The following WDR76 variants were observed in gnomAD, a reference collection of about 807,000 sequenced individuals.
WDR76 encodes the protein WD repeat-containing protein 76.
Under a neutral mutation model 70.2 loss-of-function variants are expected in WDR76, and 52 were observed. That is an observed-to-expected ratio of 0.74 (90% CI 0.59 to 0.93). The LOEUF is 0.93. Ranked by LOEUF, WDR76 falls within the 40% of genes least tolerant of loss-of-function variation. The pLI, the probability that WDR76 is intolerant of heterozygous loss-of-function variation, is 0.00. For synonymous variants in WDR76, 292 were observed against 271.1 expected (o/e 1.08, Z -0.76); for missense variants, 756 against 760.2 (o/e 0.99, Z 0.07).
At chr15:43,842,728 G>A (rs531946507) in intron 7 of WDR76, 57 bp downstream of exon 7, 13 of 1,491,418 alleles carry the variant, frequency 8.7e-6, no homozygotes, top group Non-Finnish European at 1.1e-5. Context: ...GAGTTATAAA[G>A]ACTATACGCC....
intron 12 of WDR76, chr15:43,864,040 A>ATG (rs2088038822): frequency 6.6e-6 from 1 of 152,218 alleles, no homozygotes. Flanking sequence ...GAGTGAGGTC[A>ATG]TGTGGTATAT....
At chr15:43,852,756 A>G (rs1353211396) in intron 9 of WDR76, among the ~76,000 whole-genome samples, 8 of 152,142 alleles carry the variant, frequency 5.3e-5, no homozygotes, top group South Asian at 2.1e-4. Context: ...AATGTATTCA[A>G]AGTTCATCCA....
intron 2 of WDR76, among the ~76,000 whole-genome samples, chr15:43,833,277 G>C (rs28564774): frequency 0.16 from 23,710 of 151,304 alleles, 2,435 homozygotes; most frequent in African/African-American, 0.28. Flanking sequence ...TGATCCTCCT[G>C]CTTTGGTCTC....
At chr15:43,844,831 A>C (rs1567186712) in intron 8 of WDR76, among the ~76,000 whole-genome samples, 1 of 136,344 alleles carries the variant, frequency 7.3e-6, no homozygotes. Context: ...GGGAGGCTGA[A>C]GCAGGAGAAT....
At chr15:43,861,538 C>A in intron 12 of WDR76, 152 bp downstream of exon 12, 1 of 752,236 alleles carries the variant, frequency 1.3e-6, no homozygotes, top group Non-Finnish European at 2.2e-6. Context: ...AGTTCCTATC[C>A]AGAAGGGTTC....
chr15:43,861,115 C>CA (rs1457486503), intron 11 of WDR76, among the ~76,000 whole-genome samples: 4 of 151,878 alleles, frequency 2.6e-5, no homozygotes. Context: ...AGATGGGTCT[C>CA]ACTGTATTGC....
chr15:43,865,997 C>A, intron 12 of WDR76, 131 bp from the exon 13 acceptor site: 1 of 1,096,912 alleles, frequency 9.1e-7, no homozygotes, highest in Non-Finnish European at 1.3e-6. Flanking sequence ...TTGGTGGTAA[C>A]TCAGTAACTT....
At chr15:43,844,834 A>T (rs979909239) in intron 8 of WDR76, among the ~76,000 whole-genome samples, 1 of 133,412 alleles carries the variant, frequency 7.5e-6, no homozygotes, top group Admixed American at 8.2e-5. Context: ...AGGCTGAAGC[A>T]GGAGAATGGC....
At position 43,867,936 on chromosome 15, in the gene WDR76, G is replaced by C. The variant is rs1032690790; in HGVS notation, c.*1544G>C. On this transcript the variant is annotated 3_prime_UTR_variant, in exon 13 of 13. Transcript: ENST00000263795. The stretch of plus-strand genomic sequence containing the variant: ...TGTAAATGGCTTTGGCAATATGTTT[G>C]AATTCTAAGAGGAAATATTTTCCCA... 2 of 152,088 alleles carry C rather than the reference G, an allele frequency of 1.3e-5. No homozygotes were observed. The highest frequency in any genetic ancestry group is 2.4e-5 in the African/African-American group (1 of 41,414). 9.4% of individuals were successfully genotyped at this position (152,088 alleles called of 1,614,324 possible).
chr15:43,833,839 G>A (rs930242014), intron 2 of WDR76, among the ~76,000 whole-genome samples: 21 of 151,802 alleles, frequency 1.4e-4, no homozygotes, highest in Admixed American at 5.3e-4. Flanking sequence ...GTTTTGCCAT[G>A]CTGGCCAGGA....
At chr15:43,857,961 CTTTTTTTT>C (rs397854561) in intron 10 of WDR76, among the ~76,000 whole-genome samples, 8 of 95,536 alleles carry the variant, frequency 8.4e-5, no homozygotes, top group Non-Finnish European at 1.5e-4. Flanking sequence ...AGGGTTCTGT[CTTTTTTTT>C]TTTTTTTTTT....
chr15:43,846,223 TAGG>T (rs1402774174), intron 8 of WDR76, among the ~76,000 whole-genome samples: 1 of 149,148 alleles, frequency 6.7e-6, no homozygotes, highest in Non-Finnish European at 1.5e-5. Context: ...ACAAAGGCTT[TAGG>T]AGATTAAGGA....
At chr15:43,854,016 C>G (rs1210873015) in intron 9 of WDR76, among the ~76,000 whole-genome samples, 10 of 152,116 alleles carry the variant, frequency 6.6e-5, no homozygotes. Flanking sequence ...TGAGATACCC[C>G]TTTACACTCA....
chr15:43,841,154 G>A (rs550583446), intron 5 of WDR76, among the ~76,000 whole-genome samples: 11 of 150,974 alleles, frequency 7.3e-5, no homozygotes, highest in African/African-American at 2.4e-4. Context: ...CAGAGTAGCT[G>A]GGACTGTAGG....
chr15:43,854,100 A>T (rs560200348), intron 9 of WDR76, among the ~76,000 whole-genome samples: 2 of 152,162 alleles, frequency 1.3e-5, no homozygotes, highest in Non-Finnish European at 2.9e-5. Flanking sequence ...TATTTTGAGA[A>T]TTGGTATGTG....
chr15:43,839,507 T>C, intron 4 of WDR76, 98 bp from the exon 5 acceptor site: 1 of 1,256,368 alleles, frequency 8.0e-7, no homozygotes. Flanking sequence ...TTTATAAATA[T>C]ATCTGTGGTA....
Position 43,867,158 on chromosome 15 carries a change from C to A in WDR76, c.*766C>A, listed in dbSNP as rs1240447253. ...AAAACTTGATTTTTTTAACTGAGAA[C>A]TTTTTTTGCCCCCTGCCTGTAGGTT... On this transcript the variant is annotated 3_prime_UTR_variant, in exon 13 of 13. Transcript: ENST00000263795. The A allele has an allele frequency of 6.6e-6, 1 of 151,930 alleles. No homozygotes were observed. The highest frequency in any genetic ancestry group is 1.5e-5 in the Non-Finnish European group (1 of 67,988). 9.4% of individuals were successfully genotyped at this position (151,930 alleles called of 1,614,324 possible).
chr15:43,857,266 T>A, intron 10 of WDR76, 103 bp downstream of exon 10: 3 of 1,226,632 alleles, frequency 2.4e-6, no homozygotes, highest in Non-Finnish European at 3.3e-6. Flanking sequence ...ACAAAAGGTA[T>A]TACTTTTGTA....
At chr15:43,855,075 T>C (rs1230583114) in intron 9 of WDR76, among the ~76,000 whole-genome samples, 1 of 152,258 alleles carries the variant, frequency 6.6e-6, no homozygotes, top group African/African-American at 2.4e-5. Context: ...CCCATAGTTT[T>C]GCCTTTTTCT....
Sources: gnomAD v4.1 joint callset for allele counts (sites outside exome capture counted in the v4.1 genomes callset) on GRCh38, gnomAD v4.1.1 for gene constraint, MANE v1.5 for transcripts, NCBI Gene and HGNC (gene_info 2026-07-23, HGNC 2026-07-21) for gene names.